Variants in CCDC40 observed in about 807,000 individuals in gnomAD.
The protein encoded by CCDC40 is coiled-coil domain 40 molecular ruler complex subunit.
In CCDC40, 104 loss-of-function variants were observed where a neutral mutation model predicts 124.5. The observed-to-expected ratio is 0.84, with a 90% CI of 0.71 to 0.98. The LOEUF (loss-of-function observed/expected upper bound fraction) is 0.98, where lower values mean the gene tolerates loss of function less well. CCDC40 is among the 50% of genes least tolerant of loss of function. The pLI, the probability that CCDC40 is intolerant of heterozygous loss-of-function variation, is 0.00. For synonymous variants in CCDC40, 580 were observed against 602.9 expected (o/e 0.96, Z 0.56); for missense variants, 1,463 against 1,503.9 (o/e 0.97, Z 0.45).
chr17:80,078,309 C>G (rs912228635), intron 10 of CCDC40, among the ~76,000 whole-genome samples: 2 of 124,042 alleles, frequency 1.6e-5, no homozygotes, highest in Non-Finnish European at 3.2e-5. Flanking sequence ...CCAGCCTGGG[C>G]AACAGAGCGA....
At chr17:80,085,908 G>A in intron 13 of CCDC40, 95 bp from the exon 14 acceptor site, 1 of 1,146,482 alleles carries the variant, frequency 8.7e-7, no homozygotes, top group Non-Finnish European at 1.3e-6. Context: ...GACCTCGGGT[G>A]ATCCACCCGC....
Position 80,081,683 on chromosome 17 carries a change from A to G in CCDC40, c.1700A>G (p.Lys567Arg), listed in dbSNP as rs2038453251. 6.2e-7 allele frequency: 1 copy of G among 1,614,074 alleles called. No individual in the cohort carries two copies. Among genetic ancestry groups the G allele is most frequent in the Non-Finnish European group, 8.5e-7 (1 of 1,180,036 alleles). Residue 567 changes from lysine to arginine, a missense_variant, in exon 11 of 20, where the codon AAG becomes AGG. By Grantham distance (26) the Lys-to-Arg change is conservative (BLOSUM62 2). Coordinates refer to ENST00000397545, the MANE Select transcript of CCDC40 (RefSeq NM_017950.4). ...RTETEATLLQ[K>R]LTTQCLTKQV... ...GAGACGGAAGCCACACTGCTGCAGA[A>G]GCTCACCACCCAGTGCCTGACCAAG...
At chr17:80,037,227 A>G (rs2143557404) in intron 1 of CCDC40, among the ~76,000 whole-genome samples, 1 of 152,284 alleles carries the variant, frequency 6.6e-6, no homozygotes. Context: ...GGCCCGCGAT[A>G]GTCCGCGGTC....
At chr17:80,046,939 G>A (rs951791442) in intron 3 of CCDC40, among the ~76,000 whole-genome samples, 10 of 152,078 alleles carry the variant, frequency 6.6e-5, no homozygotes, top group South Asian at 2.1e-4. Context: ...TCTGCCTCCC[G>A]GGTTCAAGCA....
At chr17:80,049,120 C>T (rs1178610230) in intron 5 of CCDC40, among the ~76,000 whole-genome samples, 5 of 151,982 alleles carry the variant, frequency 3.3e-5, no homozygotes, top group African/African-American at 7.3e-5. Context: ...CCAGGCTGGA[C>T]GTGGTAGCTC....
chr17:80,087,932 C>T lies in CCDC40; in HGVS notation c.2620-79C>T. On this transcript the variant is annotated intron_variant, in intron 15 of 19. Transcript: ENST00000397545. The surrounding 1 kb of genome is among the most constrained non-coding windows in gnomAD (Gnocchi z 4.5). Reference sequence around the variant, plus strand: ...CCAGCCTGCAGCCCTGCCCTCGGTGCCGGGATAGAGGGCACCAGCCCCGGC... The same window carrying T: ...CCAGCCTGCAGCCCTGCCCTCGGTGTCGGGATAGAGGGCACCAGCCCCGGC... 1.5e-6 allele frequency: 2 copies of T among 1,324,370 alleles called. No individual in the cohort carries two copies. The highest frequency in any genetic ancestry group is 1.4e-5 in the African/African-American group (1 of 69,310). The allele number at this position is 1,324,370 out of a possible 1,614,324, so 82.0% of individuals were successfully genotyped here. A position where few individuals can be genotyped will look rare whatever the true frequency, so the allele number is the denominator to read the frequency against.
chr17:80,089,633 C>A (rs1232997825), intron 16 of CCDC40, 131 bp from the exon 17 acceptor site: 2 of 1,127,348 alleles, frequency 1.8e-6, no homozygotes, highest in Non-Finnish European at 2.7e-6. Context: ...TTGAGAGCCT[C>A]ACGCTTTCTG....
At chr17:80,090,318 GGGA>G in intron 17 of CCDC40, 1 of 623,304 alleles carries the variant, frequency 1.6e-6, no homozygotes, top group South Asian at 2.6e-5. Flanking sequence ...CGAACAACAC[GGGA>G]CGCGCGCAGG....
chr17:80,056,910 G>A (rs933820211), intron 7 of CCDC40, among the ~76,000 whole-genome samples: 16 of 151,214 alleles, frequency 1.1e-4, no homozygotes, highest in African/African-American at 3.9e-4. Context: ...GCGTGGTGGC[G>A]GGCACCTGTG....
chr17:80,069,474 G>A (rs185700737), intron 10 of CCDC40, among the ~76,000 whole-genome samples: 8 of 152,286 alleles, frequency 5.3e-5, no homozygotes, highest in Admixed American at 3.3e-4. Context: ...GGTCAGGCGC[G>A]GTGGCTCACG....
At chr17:80,065,744 G>A (rs1048056057) in intron 10 of CCDC40, 138 bp downstream of exon 10, 7 of 1,179,614 alleles carry the variant, frequency 5.9e-6, no homozygotes, top group African/African-American at 1.5e-5. Flanking sequence ...CCGGGCTTCC[G>A]TCCGGAAAGC....
intron 10 of CCDC40, chr17:80,067,749 G>T: frequency 2.0e-6 from 3 of 1,503,334 alleles, no homozygotes; most frequent in Non-Finnish European, 2.7e-6. Flanking sequence ...TGGGTCTAGC[G>T]GGTATTGCTA....
At chr17:80,084,692 C>T (rs762584365) in intron 12 of CCDC40, 51 bp from the exon 13 acceptor site, 13 of 1,609,696 alleles carry the variant, frequency 8.1e-6, no homozygotes, top group South Asian at 6.6e-5. Context: ...AAACTCGTCC[C>T]GGGCCTTGGG....
At chr17:80,053,256 A>G (rs2037652693) in intron 7 of CCDC40, among the ~76,000 whole-genome samples, 1 of 152,226 alleles carries the variant, frequency 6.6e-6, no homozygotes, top group African/African-American at 2.4e-5. Context: ...ATTTCCAAAT[A>G]CCACGGCAAA....
intron 9 of CCDC40, among the ~76,000 whole-genome samples, chr17:80,062,604 A>G (rs1598505774): frequency 6.6e-6 from 1 of 151,910 alleles, no homozygotes; most frequent in African/African-American, 2.4e-5. Flanking sequence ...GGTAGAGACT[A>G]AGTCTCACTC....
rs772706089 is a variant in CCDC40 at position 80,036,699 on chromosome 17, G to A, written c.29+8G>A. On this transcript the variant is annotated splice_region_variant and intron_variant, in intron 1 of 19. Transcript: ENST00000397545. ...GGGCGGCGCGGCGGGCCGGTAAGCC[G>A]GGCCGAGGGGCAGCGGGTCTTGGAG... 2 of 1,462,062 alleles carry A rather than the reference G, an allele frequency of 1.4e-6. No homozygotes were observed. The highest frequency in any genetic ancestry group is 2.8e-5 in the East Asian group (1 of 35,174). 90.6% of individuals were successfully genotyped at this position (1,462,062 alleles called of 1,614,324 possible).
At chr17:80,067,606 T>A in intron 10 of CCDC40, 1 of 1,536,250 alleles carries the variant, frequency 6.5e-7, no homozygotes, top group Middle Eastern at 1.7e-4. Flanking sequence ...GGAAGCTTCC[T>A]GCCCGGGGCA....
rs754194373 is a variant in CCDC40 at position 80,040,062 on chromosome 17, C to G, written c.344C>G (p.Pro115Arg). Residue 115 changes from proline to arginine, a missense_variant, in exon 3 of 20, where the codon CCG becomes CGG. Transcript: ENST00000397545. The part of the protein sequence containing the change: ...GQISAADTTY[P>R]YFSPPQELPG... ...ATCAGTGCTGCAGATACGACTTACC[C>G]GTATTTCAGTCCTCCTCAGGAACTG... 7 of 1,613,926 alleles carry G rather than the reference C, an allele frequency of 4.3e-6. No homozygotes were observed. In the African/African-American group the frequency reaches 6.7e-5, roughly 15 times the overall value.
At chr17:80,069,389 G>A (rs1020112861) in intron 10 of CCDC40, among the ~76,000 whole-genome samples, 13 of 152,224 alleles carry the variant, frequency 8.5e-5, no homozygotes, top group African/African-American at 2.9e-4. Flanking sequence ...TTTTGCACAC[G>A]GTCATAAAAG....
Sources: gnomAD v4.1 joint callset for allele counts (sites outside exome capture counted in the v4.1 genomes callset) on GRCh38, gnomAD v4.1.1 for gene constraint, Gnocchi (gnomAD v3.1) non-coding constraint, MANE v1.5 for transcripts, NCBI Gene and HGNC (gene_info 2026-07-23, HGNC 2026-07-21) for gene names.